HPSE2: variants seen among roughly 807,000 people sequenced by gnomAD.
The protein encoded by HPSE2 is heparanase 2 (inactive).
HPSE2 carries 38 observed loss-of-function variants against 60.5 expected under a neutral mutation model. The ratio of observed to expected loss-of-function variants is 0.63; its 90% CI spans 0.48 to 0.82. The LOEUF is 0.82. HPSE2 is among the 40% of genes least tolerant of loss of function. The pLI, the probability that HPSE2 is intolerant of heterozygous loss-of-function variation, is 0.00. For missense variants in HPSE2, 713 were observed against 740.4 expected, an observed-to-expected ratio of 0.96 and a Z score of 0.43; for synonymous variants, 295 against 293.2, an observed-to-expected ratio of 1.01 and a Z score of -0.06.
At chr10:99,075,306 C>T (rs1020334836) in intron 3 of HPSE2, among the ~76,000 whole-genome samples, 3 of 152,058 alleles carry the variant, frequency 2.0e-5, no homozygotes, top group Non-Finnish European at 4.4e-5. Flanking sequence ...CAGGGGTATG[C>T]TGTTTAATTT....
At chr10:99,109,522 C>G (rs1348142762) in intron 3 of HPSE2, among the ~76,000 whole-genome samples, 1 of 152,056 alleles carries the variant, frequency 6.6e-6, no homozygotes, top group African/African-American at 2.4e-5. Context: ...CTGGTCAACT[C>G]CGAGAAAGGA....
At chr10:99,312,460 G>A in the HPSE2 span, among the ~76,000 whole-genome samples, 1 of 152,222 alleles carries the variant, frequency 6.6e-6, no homozygotes, top group Non-Finnish European at 1.5e-5. Context: ...TGCCTGTGTT[G>A]TATAAATAAT....
chr10:98,631,866 A>G (rs1239418921), intron 7 of HPSE2, among the ~76,000 whole-genome samples: 1 of 152,168 alleles, frequency 6.6e-6, no homozygotes, highest in African/African-American at 2.4e-5. Context: ...AACTTCATTC[A>G]TTCATTCAAC....
the HPSE2 span, among the ~76,000 whole-genome samples, chr10:99,246,575 C>T: frequency 1.3e-5 from 2 of 152,006 alleles, no homozygotes; most frequent in Non-Finnish European, 2.9e-5. Flanking sequence ...GGTGAAACCC[C>T]GTCTCTACTA....
At chr10:99,113,786 T>C (rs1844566411) in intron 3 of HPSE2, among the ~76,000 whole-genome samples, 3 of 152,102 alleles carry the variant, frequency 2.0e-5, no homozygotes, top group Admixed American at 6.5e-5. Flanking sequence ...AAATTAGAGG[T>C]ACAAGTGCAG....
At chr10:99,131,708 A>G (rs561059182) in intron 3 of HPSE2, among the ~76,000 whole-genome samples, 52 of 152,192 alleles carry the variant, frequency 3.4e-4, no homozygotes, top group Non-Finnish European at 6.5e-4. Context: ...ATGCAAAGGC[A>G]TAAGAATGAT....
chr10:98,488,317 T>C (rs981920598), intron 10 of HPSE2, among the ~76,000 whole-genome samples: 8 of 152,196 alleles, frequency 5.3e-5, no homozygotes, highest in Admixed American at 5.2e-4. Flanking sequence ...AAATCAACAG[T>C]AACATCTTGA....
At chr10:99,067,617 A>G (rs1462699341) in intron 3 of HPSE2, among the ~76,000 whole-genome samples, 4 of 152,178 alleles carry the variant, frequency 2.6e-5, no homozygotes, top group Admixed American at 2.6e-4. Flanking sequence ...CCACAGCTGG[A>G]GCAGCTAGGA....
At chr10:98,672,152 A>T (rs1390900081) in intron 6 of HPSE2, among the ~76,000 whole-genome samples, 1 of 152,222 alleles carries the variant, frequency 6.6e-6, no homozygotes, top group African/African-American at 2.4e-5. Flanking sequence ...TGCTGTTGGT[A>T]GTTCTTTCAT....
At chr10:99,132,545 G>C (rs1485987376) in intron 3 of HPSE2, among the ~76,000 whole-genome samples, 2 of 152,016 alleles carry the variant, frequency 1.3e-5, no homozygotes, top group Non-Finnish European at 2.9e-5. Flanking sequence ...GAGGTACCTG[G>C]TTCATCGCAT....
rs555168126 is a variant in HPSE2 at position 98,963,391 on chromosome 10, T to C, written c.610+180847A>G. On this transcript the variant is annotated intron_variant, in intron 3 of 11. Transcript: ENST00000370552. The stretch of plus-strand genomic sequence containing the variant: ...TTTAGAGTGTTTTCTTTCAGTCTTT[T>C]TTGTTTGTGTCTCAGTGCCACACTA... Among the ~76,000 whole-genome samples the C allele has an allele frequency of 8.7e-5, 13 of 149,974 alleles. No individual in the cohort carries two copies. In the East Asian group the frequency reaches 2.5e-3, roughly 29 times the overall value.
intron 3 of HPSE2, among the ~76,000 whole-genome samples, chr10:99,105,826 A>AT (rs1007520998): frequency 2.6e-5 from 4 of 151,716 alleles, no homozygotes; most frequent in Admixed American, 6.6e-5. Context: ...ATCTAAATTT[A>AT]TTTTTTTTAA....
intron 4 of HPSE2, among the ~76,000 whole-genome samples, chr10:98,743,082 C>T (rs1192476517): frequency 6.6e-6 from 1 of 150,722 alleles, no homozygotes; most frequent in Non-Finnish European, 1.5e-5. Flanking sequence ...AAGCGATTCT[C>T]CTGCCTCAGC....
intron 3 of HPSE2, among the ~76,000 whole-genome samples, chr10:98,765,454 T>C (rs991265291): frequency 6.6e-6 from 1 of 152,048 alleles, no homozygotes; most frequent in African/African-American, 2.4e-5. Flanking sequence ...ATATATTCAA[T>C]GGAATAAAAA....
In HPSE2 at chr10:98,559,415, C is replaced by A. The variant is rs371901442; in HGVS notation, c.1320+55489G>T. 1.4e-4 allele frequency among the ~76,000 whole-genome samples: 22 copies of A among 152,160 alleles called. 1 individual carries two copies. In the South Asian group the frequency reaches 4.4e-3, roughly 30 times the overall value. ...GTACTCTTTCCTTCTGTCCTCTATT[C>A]TCCCCCTGCCCCAACTCTACACTCC... On this transcript the variant is annotated intron_variant, in intron 9 of 11. Transcript: ENST00000370552.
intron 9 of HPSE2, among the ~76,000 whole-genome samples, chr10:98,588,977 T>C (rs1945013642): frequency 6.6e-6 from 1 of 152,150 alleles, no homozygotes; most frequent in Non-Finnish European, 1.5e-5. Flanking sequence ...TTGTTGTAGT[T>C]ATTGTGATTT....
At position 99,132,168 on chromosome 10, in the gene HPSE2, A is replaced by G. The variant is rs1249309120; in HGVS notation, c.610+12070T>C. ...AAGGAAGAAAGAAAGAAAGAAAGAA[A>G]GAAAGAAAGAAAGAAAGAAAGAAAG... On this transcript the variant is annotated intron_variant, in intron 3 of 11. Transcript: ENST00000370552. 2.0e-3 allele frequency among the ~76,000 whole-genome samples: 14 copies of G among 7,022 alleles called. No homozygotes were observed. The Admixed American group carries it at 0.03, about 15-fold the overall frequency. 4.6% of individuals were successfully genotyped at this position (7,022 alleles called of 152,430 possible).
chr10:98,838,568 G>A (rs1486324511), intron 3 of HPSE2, among the ~76,000 whole-genome samples: 2 of 151,054 alleles, frequency 1.3e-5, no homozygotes, highest in African/African-American at 2.4e-5. Flanking sequence ...GTGATTACAG[G>A]CATGCACCAC....
At chr10:99,288,715 A>C in the HPSE2 span, among the ~76,000 whole-genome samples, 5 of 147,876 alleles carry the variant, frequency 3.4e-5, no homozygotes, top group African/African-American at 1.2e-4. Flanking sequence ...TTGGAAAAAG[A>C]CATGAAAGAG....
Sources: allele counts gnomAD v4.1 joint callset (sites outside exome capture counted in the v4.1 genomes callset), GRCh38; gene constraint gnomAD v4.1.1; transcripts MANE v1.5; gene names NCBI Gene and HGNC (gene_info 2026-07-23, HGNC 2026-07-21).